The following PCDH11X variants were observed in gnomAD, a reference collection of about 807,000 sequenced individuals.
PCDH11X encodes protocadherin-11 X-linked.
Under a neutral mutation model 53.3 loss-of-function variants are expected in PCDH11X, and 18 were observed. That is an observed-to-expected ratio of 0.34 (90% CI 0.23 to 0.50). The LOEUF is 0.50. Among genes scored for constraint, PCDH11X ranks in the 20% least tolerant of loss-of-function variants. The pLI, the probability that PCDH11X is intolerant of heterozygous loss-of-function variation, is 0.98. For missense variants in PCDH11X, 570 were observed against 1,032.4 expected (o/e 0.55, Z 6.14); for synonymous variants, 279 against 393.3 (o/e 0.71, Z 3.44).
intron 8 of PCDH11X, among the ~76,000 whole-genome samples, chrX:92,331,794 C>T (rs1437672102): frequency 1.8e-5 from 2 of 110,920 alleles, no homozygotes. Flanking sequence ...TCTACAAAGC[C>T]TTCTCTGATT....
intron 10 of PCDH11X, among the ~76,000 whole-genome samples, chrX:92,564,381 A>G (rs951595366): frequency 2.9e-5 from 3 of 102,106 alleles, no homozygotes; most frequent in African/African-American, 1.1e-4. Flanking sequence ...CTACACAACT[A>G]TAGTAACCAA....
At chrX:92,597,336 G>A (rs1462096430) in intron 10 of PCDH11X, among the ~76,000 whole-genome samples, 5 of 110,241 alleles carry the variant, frequency 4.5e-5, no homozygotes, top group South Asian at 7.6e-4. Flanking sequence ...AAACTTGCAC[G>A]ATATGAAATA....
chrX:92,604,569 CAT>C (rs1325551937), intron 10 of PCDH11X, among the ~76,000 whole-genome samples: 1 of 111,132 alleles, frequency 9.0e-6, no homozygotes, highest in African/African-American at 3.3e-5. Context: ...CCGTGAAACA[CAT>C]AGAAAATAAA....
intron 10 of PCDH11X, among the ~76,000 whole-genome samples, chrX:92,513,715 ACTT>A (rs1190428752): frequency 9.0e-6 from 1 of 110,926 alleles, no homozygotes; most frequent in Non-Finnish European, 1.9e-5. Flanking sequence ...CTTCACATTG[ACTT>A]CTTCATCTTT....
At chrX:92,610,880 A>G (rs1307111572) in intron 10 of PCDH11X, among the ~76,000 whole-genome samples, 2 of 110,969 alleles carry the variant, frequency 1.8e-5, no homozygotes, top group African/African-American at 3.3e-5. Flanking sequence ...AATTTTGTCA[A>G]CTTTGTCAAA....
intron 10 of PCDH11X, among the ~76,000 whole-genome samples, chrX:92,538,726 ACTGT>A (rs1239211560): frequency 3.0e-5 from 3 of 99,096 alleles, no homozygotes; most frequent in African/African-American, 1.1e-4. Flanking sequence ...GTCTTATTGT[ACTGT>A]CTATGTTTTG....
intron 8 of PCDH11X, among the ~76,000 whole-genome samples, chrX:92,264,472 G>A (rs1682188539): frequency 9.0e-6 from 1 of 111,211 alleles, no homozygotes; most frequent in African/African-American, 3.3e-5. Flanking sequence ...TGTACAGTGT[G>A]ATTATATGTG....
In PCDH11X at chrX:91,876,835, C is replaced by T. The variant is rs920486764; in HGVS notation, c.595C>T (p.Pro199Ser). 8.3e-7 allele frequency: 1 copy of T among 1,207,652 alleles called. No individual in the cohort carries two copies. Among genetic ancestry groups the T allele is most frequent in the Non-Finnish European group, 1.1e-6 (1 of 894,574 alleles). The part of the protein sequence containing the change: ...VIETPEGDKM[P>S]QLIVQKELDR... ...TGAAACACCAGAAGGAGACAAGATG[C>T]CACAACTGATTGTTCAAAAGGAGTT... Residue 199 changes from proline (P) to serine (S), a missense_variant, in exon 6 of 11, where the codon CCA becomes TCA. This residue lies in a region of PCDH11X where 3 missense variants were observed against 33.4 expected (regional missense o/e 0.09). Coordinates refer to ENST00000682573, the MANE Select transcript of PCDH11X (RefSeq NM_032968.5).
chrX:92,117,310 C>A (rs2064659678), intron 6 of PCDH11X, among the ~76,000 whole-genome samples: 1 of 109,559 alleles, frequency 9.1e-6, no homozygotes, highest in East Asian at 2.9e-4. Context: ...GTGGCGGACA[C>A]CTATAATCCC....
intron 10 of PCDH11X, among the ~76,000 whole-genome samples, chrX:92,594,848 T>G (rs1309607841): frequency 1.2e-5 from 1 of 86,938 alleles, no homozygotes; most frequent in Non-Finnish European, 2.1e-5. Context: ...GCTATTTTTT[T>G]TGTTTGTTTG....
intron 6 of PCDH11X, among the ~76,000 whole-genome samples, chrX:92,053,205 C>T (rs955895446): frequency 9.0e-6 from 1 of 110,941 alleles, no homozygotes; most frequent in Non-Finnish European, 1.9e-5. Flanking sequence ...ATTGCACTAG[C>T]AGAAGACAAT....
chrX:92,015,606 A>G (rs1173599105), intron 6 of PCDH11X, among the ~76,000 whole-genome samples: 1 of 112,191 alleles, frequency 8.9e-6, no homozygotes, highest in Non-Finnish European at 1.9e-5. Context: ...TTTATCATTC[A>G]TAAGAAGCAA....
chrX:91,941,058 G>A (rs1322069356), intron 6 of PCDH11X, among the ~76,000 whole-genome samples: 2 of 110,853 alleles, frequency 1.8e-5, no homozygotes, highest in Non-Finnish European at 3.8e-5. Flanking sequence ...AACTTAAGGA[G>A]TATAATTGGA....
intron 6 of PCDH11X, among the ~76,000 whole-genome samples, chrX:91,902,788 C>G (rs1033110841): frequency 8.3e-5 from 9 of 108,980 alleles, no homozygotes; most frequent in African/African-American, 2.7e-4. Context: ...ACCATTCATT[C>G]AAGTCACTCA....
At chrX:91,908,542 G>A (rs1474626409) in intron 6 of PCDH11X, among the ~76,000 whole-genome samples, 2 of 111,562 alleles carry the variant, frequency 1.8e-5, no homozygotes, top group Non-Finnish European at 3.8e-5. Context: ...GGTGGCTCAC[G>A]CCTGTAATCC....
chrX:92,576,198 T>G (rs1254446951), intron 10 of PCDH11X, among the ~76,000 whole-genome samples: 1 of 59,523 alleles, frequency 1.7e-5, no homozygotes, highest in Non-Finnish European at 2.7e-5. Flanking sequence ...TATATAACTG[T>G]TCTGCTCTTT....
intron 6 of PCDH11X, among the ~76,000 whole-genome samples, chrX:92,010,535 T>A (rs1020731770): frequency 2.7e-5 from 3 of 110,970 alleles, no homozygotes; most frequent in Admixed American, 9.7e-5. Flanking sequence ...TTTTACCCCC[T>A]CAGAGAGTTC....
At chrX:92,445,981 A>T in intron 9 of PCDH11X, among the ~76,000 whole-genome samples, 1 of 110,816 alleles carries the variant, frequency 9.0e-6, no homozygotes, top group Non-Finnish European at 1.9e-5. Context: ...AGAACATGTT[A>T]GCAAATGCCT....
At chrX:91,805,747 G>T (rs1284391656) in intron 1 of PCDH11X, among the ~76,000 whole-genome samples, 1 of 108,291 alleles carries the variant, frequency 9.2e-6, no homozygotes, top group Non-Finnish European at 1.9e-5. Flanking sequence ...TATGACTTGA[G>T]CTGAGGAGTT....
Sources: allele counts gnomAD v4.1 joint callset (sites outside exome capture counted in the v4.1 genomes callset), GRCh38; gene constraint gnomAD v4.1.1; regional missense constraint gnomAD v4.1.1; transcripts MANE v1.5; gene names NCBI Gene and HGNC (gene_info 2026-07-23, HGNC 2026-07-21).